Variants in STK3 observed in about 807,000 individuals in gnomAD.
The protein encoded by STK3 is serine/threonine-protein kinase 3.
In STK3, 41 loss-of-function variants were observed where a neutral mutation model predicts 58.0. The ratio of observed to expected loss-of-function variants is 0.71; its 90% confidence interval spans 0.55 to 0.92. STK3 has a LOEUF of 0.92. Among genes scored for constraint, STK3 ranks in the 40% least tolerant of loss-of-function variants. The pLI, the probability that STK3 is intolerant of heterozygous loss-of-function variation, is 0.00. For missense variants in STK3, 479 were observed against 602.7 expected, an observed-to-expected ratio of 0.79 and a Z score of 2.15; for synonymous variants, 170 against 191.0, an observed-to-expected ratio of 0.89 and a Z score of 0.91.
intron 10 of STK3, among the ~76,000 whole-genome samples, chr8:98,504,526 A>C (rs1823892431): frequency 6.6e-6 from 1 of 152,174 alleles, no homozygotes; most frequent in South Asian, 2.1e-4. Context: ...AGTGGCTGGT[A>C]CCAGTTGTTC....
At chr8:98,821,475 A>C (rs1012091150) in intron 1 of STK3, among the ~76,000 whole-genome samples, 1 of 151,646 alleles carries the variant, frequency 6.6e-6, no homozygotes, top group African/African-American at 2.4e-5. Flanking sequence ...CTTGGGCAAC[A>C]TGGCAAGACC....
chr8:98,866,464 G>A (rs1018458586), intron 3 of STK3, among the ~76,000 whole-genome samples: 4 of 152,196 alleles, frequency 2.6e-5, no homozygotes. Flanking sequence ...CCTGTGGCAA[G>A]ATGTGGGGCT....
chr8:98,688,980 T>C (rs917756055), intron 6 of STK3, among the ~76,000 whole-genome samples: 10 of 152,060 alleles, frequency 6.6e-5, no homozygotes, highest in African/African-American at 2.4e-4. Flanking sequence ...AATTGGTTTT[T>C]TGAAAGGATG....
chr8:98,911,874 T>G (rs1046884677), intron 1 of STK3, among the ~76,000 whole-genome samples: 1 of 152,202 alleles, frequency 6.6e-6, no homozygotes, highest in Non-Finnish European at 1.5e-5. Context: ...TGATTCAAAT[T>G]TGTTAGTTTC....
chr8:98,437,720 T>C (rs1180364871), intron 1 of STK3: 3 of 152,232 alleles, frequency 2.0e-5, no homozygotes, highest in African/African-American at 7.2e-5. Flanking sequence ...GCAAACTTTG[T>C]AGGTCTGCCC....
intron 6 of STK3, among the ~76,000 whole-genome samples, chr8:98,630,670 G>GAGAAGGAGAAGGAGA (rs1266768226): frequency 6.4e-4 from 95 of 147,382 alleles, no homozygotes; most frequent in African/African-American, 2.4e-3. Flanking sequence ...GAAGGAGAAG[G>GAGAAGGAGAAGGAGA]AGGAGAAGGA....
At chr8:98,940,961 G>T (rs1231195272) in intron 1 of STK3, among the ~76,000 whole-genome samples, 1 of 152,232 alleles carries the variant, frequency 6.6e-6, no homozygotes, top group Non-Finnish European at 1.5e-5. Flanking sequence ...GACCCCTACC[G>T]CACACGCGAC....
chr8:98,417,388 C>T (rs571469098), intron 3 of STK3, among the ~76,000 whole-genome samples: 1 of 152,166 alleles, frequency 6.6e-6, no homozygotes, highest in East Asian at 1.9e-4. Flanking sequence ...TTGGCGCCCA[C>T]CTGTAATCCC....
chr8:98,824,351 T>C (rs1392931519), intron 1 of STK3, among the ~76,000 whole-genome samples: 3 of 152,226 alleles, frequency 2.0e-5, no homozygotes, highest in Admixed American at 6.5e-5. Flanking sequence ...GAAACTCTGA[T>C]AACTTACAGT....
chr8:98,415,046 G>A (rs1818098182), intron 3 of STK3, among the ~76,000 whole-genome samples: 1 of 152,178 alleles, frequency 6.6e-6, no homozygotes, highest in South Asian at 2.1e-4. Flanking sequence ...TAAATCATGA[G>A]GGTTGTACCT....
At chr8:98,703,094 A>T (rs1313802481) in intron 6 of STK3, among the ~76,000 whole-genome samples, 1 of 152,180 alleles carries the variant, frequency 6.6e-6, no homozygotes, top group Non-Finnish European at 1.5e-5. Context: ...TACCTAGGTT[A>T]CCATATTTCC....
At chr8:98,713,511 A>C (rs1417215047) in intron 4 of STK3, among the ~76,000 whole-genome samples, 1 of 152,252 alleles carries the variant, frequency 6.6e-6, no homozygotes, top group Non-Finnish European at 1.5e-5. Context: ...CTACGCAAAT[A>C]AACTAGAAAA....
At chr8:98,681,571 T>A (rs1823648309) in intron 6 of STK3, among the ~76,000 whole-genome samples, 1 of 152,222 alleles carries the variant, frequency 6.6e-6, no homozygotes. Flanking sequence ...AACTACTACA[T>A]ATCCATAATA....
chr8:98,536,566 T>C (rs1809782392), intron 9 of STK3, among the ~76,000 whole-genome samples: 1 of 152,148 alleles, frequency 6.6e-6, no homozygotes, highest in South Asian at 2.1e-4. Context: ...ACAGACTTGA[T>C]GGCTAGAGAT....
At position 98,656,435 on chromosome 8, in the gene STK3, T is replaced by C. The variant is rs912115969; in HGVS notation, c.684+50032A>G. ...CACCAGCATGGCACGTGTATACATA[T>C]GTAACTAACCTGCACATTGTGCACA... On this transcript the variant is annotated intron_variant, in intron 6 of 10. Transcript: ENST00000419617. 2.0e-5 allele frequency among the ~76,000 whole-genome samples: 3 copies of C among 152,146 alleles called. No individual in the cohort carries two copies. In the East Asian group the frequency reaches 5.8e-4, roughly 29 times the overall value.
At chr8:98,369,963 G>T (rs543651723), downstream of STK3, among the ~76,000 whole-genome samples, 27 of 152,090 alleles carry the variant, frequency 1.8e-4, no homozygotes, top group African/African-American at 6.5e-4. Flanking sequence ...TGTGTTGTGT[G>T]GCTTCAATTC....
chr8:98,464,540 TAAAAAAAA>T, intron 10 of STK3, among the ~76,000 whole-genome samples: 16 of 69,234 alleles, frequency 2.3e-4, no homozygotes, highest in African/African-American at 6.9e-4. Context: ...TACTTAAAGT[TAAAAAAAA>T]AAAAAAAAAA....
chr8:98,671,414 T>A (rs1016489892), intron 6 of STK3, among the ~76,000 whole-genome samples: 9 of 152,054 alleles, frequency 5.9e-5, no homozygotes, highest in African/African-American at 2.2e-4. Flanking sequence ...TAAAAGCTCA[T>A]ACAACAAAGA....
At chr8:98,414,268 A>T (rs188434148) in intron 3 of STK3, among the ~76,000 whole-genome samples, 67 of 152,266 alleles carry the variant, frequency 4.4e-4, no homozygotes, top group Non-Finnish European at 7.2e-4. Context: ...TGTCTCAAAA[A>T]AATAATAATA....
Sources: gnomAD v4.1 joint callset for allele counts (sites outside exome capture counted in the v4.1 genomes callset) on GRCh38, gnomAD v4.1.1 for gene constraint, MANE v1.5 for transcripts, NCBI Gene and HGNC (gene_info 2026-07-23, HGNC 2026-07-21) for gene names.